Variants in GADL1 observed in about 807,000 individuals in gnomAD.
GADL1 encodes the protein GAD like acidic amino acid decarboxylase 1.
In GADL1, 71 loss-of-function variants were observed where a neutral mutation model predicts 69.5. The ratio of observed to expected loss-of-function variants is 1.02; its 90% CI spans 0.84 to 1.25. The LOEUF (loss-of-function observed/expected upper bound fraction) is 1.25. Ranked by LOEUF, GADL1 falls within the 50% of genes most tolerant of loss-of-function variation. The pLI is 0.00. For missense variants in GADL1, 737 were observed against 631.8 expected (o/e 1.17, Z -1.79); for synonymous variants, 254 against 214.4 (o/e 1.18, Z -1.62).
At chr3:30,813,511 G>A (rs529809469) in intron 11 of GADL1, among the ~76,000 whole-genome samples, 1 of 152,158 alleles carries the variant, frequency 6.6e-6, no homozygotes, top group Non-Finnish European at 1.5e-5. Context: ...TATGTCCCCA[G>A]CTTATTGTGA....
chr3:30,787,706 C>A (rs1295512962), intron 12 of GADL1, among the ~76,000 whole-genome samples: 1 of 152,118 alleles, frequency 6.6e-6, no homozygotes. Context: ...TTTAAAGACA[C>A]AACCATGCTC....
intron 14 of GADL1, among the ~76,000 whole-genome samples, chr3:30,764,300 C>CAT: frequency 6.6e-6 from 1 of 152,252 alleles, no homozygotes; most frequent in African/African-American, 2.4e-5. Flanking sequence ...ATTTCTAAGA[C>CAT]ATGATCTGAT....
intron 8 of GADL1, among the ~76,000 whole-genome samples, chr3:30,843,519 G>A (rs546190446): frequency 4.8e-4 from 73 of 152,134 alleles, no homozygotes; most frequent in African/African-American, 1.6e-3. Flanking sequence ...GCCTCCCAAA[G>A]TGCTGGGATT....
chr3:30,753,757 AAACTT>A (rs1403064078), intron 14 of GADL1, among the ~76,000 whole-genome samples: 8 of 127,554 alleles, frequency 6.3e-5, no homozygotes, highest in African/African-American at 9.7e-5. Context: ...CTTTTTAACT[AAACTT>A]ACAAATACAT....
intron 11 of GADL1, among the ~76,000 whole-genome samples, chr3:30,808,174 A>G: frequency 6.6e-6 from 1 of 151,894 alleles, no homozygotes; most frequent in African/African-American, 2.4e-5. Context: ...ATGGCAGGGC[A>G]GAGAGGTGGA....
At chr3:30,729,687 G>C (rs1695425942) in intron 14 of GADL1, among the ~76,000 whole-genome samples, 1 of 152,170 alleles carries the variant, frequency 6.6e-6, no homozygotes. Context: ...TTCCAAAGCT[G>C]ATGAAAAAAT....
intron 1 of GADL1, 66 bp downstream of exon 1, chr3:30,894,512 A>C (rs1559371006): frequency 2.2e-6 from 3 of 1,351,550 alleles, no homozygotes; most frequent in African/African-American, 2.9e-5. Context: ...CAGGTCAAAA[A>C]TAAGGAGATT....
intron 1 of GADL1, among the ~76,000 whole-genome samples, chr3:30,874,281 T>C (rs962533899): frequency 3.9e-5 from 6 of 151,946 alleles, no homozygotes; most frequent in Admixed American, 2.6e-4. Context: ...TTATAGATTG[T>C]ACCGCTGGAG....
chr3:30,811,202 A>G (rs2125512549), intron 11 of GADL1, among the ~76,000 whole-genome samples: 1 of 152,254 alleles, frequency 6.6e-6, no homozygotes, highest in African/African-American at 2.4e-5. Context: ...AATACCCCTA[A>G]CTAAGGGTTA....
At chr3:30,873,331 A>G (rs1396220519) in intron 1 of GADL1, among the ~76,000 whole-genome samples, 4 of 151,990 alleles carry the variant, frequency 2.6e-5, no homozygotes, top group Non-Finnish European at 5.9e-5. Context: ...CTTATGATGA[A>G]GATATCTTTA....
chr3:30,766,090 T>C (rs1331612626), intron 14 of GADL1, among the ~76,000 whole-genome samples: 5 of 152,128 alleles, frequency 3.3e-5, no homozygotes, highest in Non-Finnish European at 7.4e-5. Context: ...GGTTAAATGA[T>C]ATTGGTTAAA....
rs1698832141 is a variant in GADL1 at position 30,894,604 on chromosome 3, T to C, written c.11A>G (p.Asp4Gly). ...GTCCACAGGACACTGGCGGTCCGAG[T>C]CGCTGCTCATCTCCGCTCCCCCACT... MSSDSDRQCPVDGD... is the reference protein window; with the variant it reads MSSGSDRQCPVDGD... The change falls in exon 1 of 15, where the codon GAC becomes GGC. Residue 4 changes from aspartate (D) to glycine (G), a missense_variant. Coordinates refer to ENST00000282538, the MANE Select transcript of GADL1 (RefSeq NM_207359.3). 6.4e-7 allele frequency: 1 copy of C among 1,550,558 alleles called. No individual in the cohort carries two copies. Among genetic ancestry groups the C allele is most frequent in the African/African-American group, 1.4e-5 (1 of 73,038 alleles).
At chr3:30,768,579 G>A (rs1696343095) in intron 14 of GADL1, among the ~76,000 whole-genome samples, 1 of 151,102 alleles carries the variant, frequency 6.6e-6, no homozygotes, top group South Asian at 2.1e-4. Context: ...GGAGGGGGAG[G>A]AGAGGCGGAG....
In GADL1 at chr3:30,801,023, A is replaced by G. The variant is rs1028568935; in HGVS notation, c.1116T>C (p.Asp372=). The G allele has an allele frequency of 3.1e-6, 5 of 1,613,152 alleles. No individual in the cohort carries two copies. Among genetic ancestry groups the G allele is most frequent in the Middle Eastern group, 3.3e-4 (2 of 6,054 alleles). ...ACTTGTCTCCTGTGTCATAGCTCACATCATAGAATTTATCCTGCTGGAAGA... is the reference window on the plus strand; with the variant it reads ...ACTTGTCTCCTGTGTCATAGCTCACGTCATAGAATTTATCCTGCTGGAAGA... ...SYLFQQDKFY[D]VSYDTGDKSI... is the part of the protein sequence containing the mutation. The change falls in exon 12 of 15, where the codon GAT becomes GAC. Residue 372 remains aspartate, a synonymous_variant. Coordinates refer to ENST00000282538, the MANE Select transcript of GADL1 (RefSeq NM_207359.3).
chr3:30,806,399 T>A (rs534735006), intron 11 of GADL1, among the ~76,000 whole-genome samples: 1 of 152,220 alleles, frequency 6.6e-6, no homozygotes. Context: ...AAAATCAAAT[T>A]TAGGTTGCAA....
intron 1 of GADL1, among the ~76,000 whole-genome samples, chr3:30,866,433 T>C (rs926921640): frequency 2.6e-5 from 4 of 152,088 alleles, no homozygotes; most frequent in Non-Finnish European, 5.9e-5. Context: ...CACTTCAGCC[T>C]GGGCAAAAGA....
In GADL1 at chr3:30,894,556, C is replaced by G. The variant is rs944418308; in HGVS notation, c.37+22G>C. On this transcript the variant is annotated intron_variant, in intron 1 of 14. Transcript: ENST00000282538. ...GACAGGGGAGGTTAAGGACAAAAAC[C>G]GCAGCCGCGCTGAGTCGTTACCGTC... is the stretch of plus-strand genomic sequence containing the variant. The G allele has an allele frequency of 7.1e-6, 11 of 1,545,668 alleles. No homozygotes were observed. The Admixed American group carries it at 2.0e-4, about 28-fold the overall frequency.
chr3:30,869,988 A>G (rs1003752496), intron 1 of GADL1, among the ~76,000 whole-genome samples: 2 of 151,904 alleles, frequency 1.3e-5, no homozygotes, highest in Admixed American at 1.3e-4. Flanking sequence ...TGTGAGAAGC[A>G]GGAAGTCCTT....
At chr3:30,824,159 A>G (rs1022371366) in intron 11 of GADL1, among the ~76,000 whole-genome samples, 9 of 151,884 alleles carry the variant, frequency 5.9e-5, no homozygotes, top group African/African-American at 2.2e-4. Flanking sequence ...GTTAAATAGT[A>G]GAAATATTTT....
Sources: gnomAD v4.1 joint callset for allele counts (sites outside exome capture counted in the v4.1 genomes callset) on GRCh38, gnomAD v4.1.1 for gene constraint, MANE v1.5 for transcripts, NCBI Gene and HGNC (gene_info 2026-07-23, HGNC 2026-07-21) for gene names.